Variants in FAT1 observed in about 807,000 individuals in gnomAD.
FAT1 encodes the protein FAT atypical cadherin 1.
FAT1 carries 171 observed loss-of-function variants against 329.8 expected under a neutral mutation model. The observed-to-expected ratio is 0.52, with a 90% confidence interval of 0.46 to 0.59. FAT1 has a LOEUF of 0.59. Among genes scored for constraint, FAT1 ranks in the 20% least tolerant of loss-of-function variants. The pLI, the probability that FAT1 is intolerant of heterozygous loss-of-function variation, is 0.00. For synonymous variants in FAT1, 2,233 were observed against 2,228.6 expected (o/e 1.00, Z -0.06); for missense variants, 5,672 against 5,774.4 (o/e 0.98, Z 0.57).
At position 186,618,773 on chromosome 4, in the gene FAT1, T is replaced by C; in HGVS notation, c.7813A>G (p.Ile2605Val). 1.9e-6 allele frequency: 3 copies of C among 1,614,038 alleles called. 1 individual carries two copies. The highest frequency in any genetic ancestry group is 2.2e-5 in the South Asian group (2 of 91,078). The change falls in exon 10 of 27, where the codon ATC (isoleucine) becomes GTC (valine). Residue 2605 changes from isoleucine (I) to valine (V), a missense_variant. Coordinates refer to ENST00000441802, the MANE Select transcript of FAT1 (RefSeq NM_005245.4). ...GTCCCTTTAGCAGCACTGGACCCGA[T>C]ATTCACTTCGTATTTGGTTGCTCGA... ...QFRATKYEVN[I>V]GSSAAKGTSV...
At position 186,620,719 on chromosome 4, in the gene FAT1, T is replaced by C. The variant is rs2126518407; in HGVS notation, c.5867A>G (p.Asp1956Gly). 6.2e-7 allele frequency: 1 copy of C among 1,613,930 alleles called. No individual in the cohort carries two copies. Among genetic ancestry groups the C allele is most frequent in the East Asian group, 2.2e-5 (1 of 44,890 alleles). Residue 1956 changes from aspartate to glycine, a missense_variant, in exon 10 of 27, where the codon GAT becomes GGT. By Grantham distance (94) the Asp-to-Gly change is moderately conservative (BLOSUM62 -1). Coordinates refer to ENST00000441802, the MANE Select transcript of FAT1 (RefSeq NM_005245.4). ...SRYELTVRAS[D>G]GRFAGLTSVK... ...AGAGGTAAGGCCGGCAAATCTGCCA[T>C]CGGAAGCTCTAACGGTTAGCTCGTA...
intron 2 of FAT1, among the ~76,000 whole-genome samples, chr4:186,702,112 G>A (rs1423432752): frequency 6.6e-6 from 1 of 152,020 alleles, no homozygotes; most frequent in Non-Finnish European, 1.5e-5. Context: ...GCCAGGAGCC[G>A]GCCTCCACAC....
intron 15 of FAT1, 54 bp downstream of exon 15, chr4:186,609,747 T>C (rs1236765307): frequency 1.6e-6 from 2 of 1,266,474 alleles, no homozygotes; most frequent in African/African-American, 2.9e-5. Flanking sequence ...TAAAAACTTT[T>C]GCAAAGATCC....
chr4:186,652,903 T>C (rs1741732652), intron 3 of FAT1, among the ~76,000 whole-genome samples: 3 of 152,234 alleles, frequency 2.0e-5, no homozygotes. Flanking sequence ...CTTTACTGCG[T>C]GCTTTAGGGA....
In FAT1 at chr4:186,588,810, C is replaced by G. The variant is rs764624079; in HGVS notation, c.13549G>C (p.Ala4517Pro). 3 of 1,614,010 alleles carry G rather than the reference C, an allele frequency of 1.9e-6. No homozygotes were observed. In the South Asian group the frequency reaches 3.3e-5, roughly 18 times the overall value. ...CTTTGATACCCTGGCGGGTAAGGGGCATGGGGTTCTCTACAAGTACTATTC... is the reference window on the plus strand; with the variant it reads ...CTTTGATACCCTGGCGGGTAAGGGGGATGGGGTTCTCTACAAGTACTATTC... Reference protein sequence around the residue: ...GENSTCREPHAPYPPGYQRHF... With the variant: ...GENSTCREPHPPYPPGYQRHF... The change falls in exon 27 of 27, where the codon GCC (alanine) becomes CCC (proline). Residue 4517 changes from alanine to proline, a missense_variant. By Grantham distance (27) the Ala-to-Pro change is conservative. Coordinates refer to ENST00000441802, the MANE Select transcript of FAT1 (RefSeq NM_005245.4).
intron 2 of FAT1, among the ~76,000 whole-genome samples, chr4:186,702,973 G>T (rs761483399): frequency 6.6e-6 from 1 of 152,156 alleles, no homozygotes; most frequent in Non-Finnish European, 1.5e-5. Flanking sequence ...ATAGCAATCT[G>T]AGGAGGAGAA....
At chr4:186,641,869 T>G (rs982134741) in intron 3 of FAT1, among the ~76,000 whole-genome samples, 1 of 151,986 alleles carries the variant, frequency 6.6e-6, no homozygotes, top group Non-Finnish European at 1.5e-5. Flanking sequence ...TTAGCTGACA[T>G]GGTGGCACAC....
rs527805169 is a variant in FAT1, at chr4:186,722,844, G to A, written c.-19+820C>T. ...ACTTTTAAAAAATCGCCTCTATCAGGCACCCGGGAATTGCTTAACAAAAGC... is the reference window on the plus strand; with the variant it reads ...ACTTTTAAAAAATCGCCTCTATCAGACACCCGGGAATTGCTTAACAAAAGC... On this transcript the variant is annotated intron_variant, in intron 1 of 26. Coordinates refer to ENST00000441802, the MANE Select transcript of FAT1 (RefSeq NM_005245.4). 2.5e-3 allele frequency among the ~76,000 whole-genome samples: 379 copies of A among 151,804 alleles called. 1 individual carries two copies. Among genetic ancestry groups the A allele is most frequent in the Admixed American group, 5.2e-3 (80 of 15,268 alleles).
In FAT1 at chr4:186,707,626, G is replaced by C. The variant is rs986082341; in HGVS notation, c.2202C>G (p.Ser734=). 6.2e-7 allele frequency: 1 copy of C among 1,613,978 alleles called. No individual in the cohort carries two copies. Among genetic ancestry groups the C allele is most frequent in the Non-Finnish European group, 8.5e-7 (1 of 1,179,882 alleles). ...IQVKENQPVG[S]SVIFMNSTDL... is the part of the protein sequence containing the mutation. ...CAGTGGAGTTCATGAAAATTACACT[G>C]GAACCCACAGGCTGGTTTTCCTTTA... is the stretch of plus-strand genomic sequence containing the variant. Residue 734 remains serine, a synonymous_variant, in exon 2 of 27, where the codon TCC becomes TCG. Coordinates refer to ENST00000441802, the MANE Select transcript of FAT1 (RefSeq NM_005245.4).
In FAT1 at chr4:186,708,194, A is replaced by G. The variant is rs2126694565; in HGVS notation, c.1634T>C (p.Leu545Ser). 2 of 1,614,022 alleles carry G rather than the reference A, an allele frequency of 1.2e-6. No homozygotes were observed. The part of the protein sequence containing the change: ...TLRIRASDWG[L>S]PYRREVEVLA... ...GACTTCGACTTCCCGGCGGTACGGC[A>G]AGCCCCAGTCTGATGCACGAATCCT... is the stretch of plus-strand genomic sequence containing the variant. The change falls in exon 2 of 27, where the codon TTG becomes TCG. Residue 545 changes from leucine (L) to serine (S), a missense_variant. Around this residue, in one of 2 missense-constraint regions of FAT1, gnomAD observed 3,966 missense variants for 3,915.2 expected, o/e 1.01. Transcript: ENST00000441802.
rs199859608 is a variant in FAT1, at chr4:186,600,150, A to C, written c.11851T>G (p.Phe3951Val). Residue 3951 changes from phenylalanine to valine, a missense_variant, in exon 22 of 27, where the codon TTT (phenylalanine) becomes GTT (valine). This residue lies in a region of FAT1 where 1,706 missense variants were observed against 1,859.1 expected (regional missense o/e 0.92). Transcript: ENST00000441802. ...TGCTGACGGATGTGGCCACCAAAAA[A>C]CACATAGTTATCCAGGTTCAGGGTT... ...LKTLNLDNYV[F>V]FGGHIRQQGT... 3.7e-6 allele frequency: 6 copies of C among 1,614,022 alleles called. No individual in the cohort carries two copies. The highest frequency in any genetic ancestry group is 1.7e-5 in the Admixed American group (1 of 60,022).
chr4:186,593,070 C>T (rs767278682), intron 26 of FAT1, among the ~76,000 whole-genome samples: 2 of 152,164 alleles, frequency 1.3e-5, no homozygotes, highest in Non-Finnish European at 2.9e-5. Context: ...CAAAACGATT[C>T]TTATTTTAAC....
At position 186,620,191 on chromosome 4, in the gene FAT1, A is replaced by C. The variant is rs777522285; in HGVS notation, c.6395T>G (p.Leu2132Trp). Residue 2132 changes from leucine to tryptophan, a missense_variant, in exon 10 of 27, where the codon TTG becomes TGG. By Grantham distance (61) the Leu-to-Trp change is moderately conservative. Coordinates refer to ENST00000441802, the MANE Select transcript of FAT1 (RefSeq NM_005245.4). ...EHHEHFQIGP[L>W]GEISLKKQFE... ...TTGCTTTTTCAGTGAAATTTCACCC[A>C]AGGGTCCAATTTGAAAGTGTTCATG... 6.2e-7 allele frequency: 1 copy of C among 1,614,030 alleles called. No individual in the cohort carries two copies. Among genetic ancestry groups the C allele is most frequent in the Admixed American group, 1.7e-5 (1 of 60,028 alleles).
chr4:186,599,859 C>T (rs556780349), intron 22 of FAT1, 39 bp downstream of exon 22: 42 of 1,471,914 alleles, frequency 2.9e-5, no homozygotes, highest in South Asian at 2.1e-4. Flanking sequence ...AATGTACACA[C>T]GTGCAGCATT....
In FAT1 at chr4:186,600,180, G is replaced by T. The variant is rs2126413114; in HGVS notation, c.11821C>A (p.Leu3941Met). 1 of 1,614,078 alleles carries T rather than the reference G, an allele frequency of 6.2e-7. No individual in the cohort carries two copies. Residue 3941 changes from leucine to methionine, a missense_variant, in exon 22 of 27, where the codon CTG becomes ATG. Around this residue, in one of 2 missense-constraint regions of FAT1, gnomAD observed 1,706 missense variants for 1,859.1 expected, o/e 0.92. Coordinates refer to ENST00000441802, the MANE Select transcript of FAT1 (RefSeq NM_005245.4). The part of the protein sequence containing the change: ...HTASGTAPGT[L>M]KTLNLDNYVF... The stretch of plus-strand genomic sequence containing the variant: ...TAGTTATCCAGGTTCAGGGTTTTCA[G>T]AGTCCCTGGGGCTGTGCCCGATGCA...
rs374959381 is a variant in FAT1 at position 186,708,140 on chromosome 4, T to C, written c.1688A>G (p.Asn563Ser). 54 of 1,613,888 alleles carry C rather than the reference T, an allele frequency of 3.3e-5. No homozygotes were observed. Among genetic ancestry groups the C allele is most frequent in the Non-Finnish European group, 4.2e-5 (49 of 1,179,906 alleles). Residue 563 changes from asparagine (N) to serine (S), a missense_variant, in exon 2 of 27, where the codon AAT becomes AGT. Physicochemically the swap from Asn to Ser is conservative, Grantham distance 46. Coordinates refer to ENST00000441802, the MANE Select transcript of FAT1 (RefSeq NM_005245.4). ...TTTCTCAAACAAAGGTGTGTTGTCA[T>C]TCAAGTTATTGAGAGTAATTGTAGC... Reference protein sequence around the residue: ...VLATITLNNLNDNTPLFEKIN... With the variant: ...VLATITLNNLSDNTPLFEKIN...
intron 2 of FAT1, 40 bp downstream of exon 2, chr4:186,706,521 ATG>A: frequency 6.6e-7 from 1 of 1,518,784 alleles, no homozygotes. Context: ...AAAAAAAAAA[ATG>A]GAAAAGGGCA....
At chr4:186,671,730 G>A (rs887807860) in intron 2 of FAT1, among the ~76,000 whole-genome samples, 7 of 151,890 alleles carry the variant, frequency 4.6e-5, no homozygotes, top group Admixed American at 2.0e-4. Context: ...TAAAAATAAC[G>A]ATACTAGTTT....
intron 3 of FAT1, among the ~76,000 whole-genome samples, chr4:186,660,147 C>T (rs370577648): frequency 9.2e-5 from 14 of 152,106 alleles, no homozygotes; most frequent in African/African-American, 2.2e-4. Flanking sequence ...CTCCAGGTGG[C>T]GAGATGGGTC....
Sources: allele counts gnomAD v4.1 joint callset (sites outside exome capture counted in the v4.1 genomes callset), GRCh38; gene constraint gnomAD v4.1.1; regional missense constraint gnomAD v4.1.1; transcripts MANE v1.5; gene names NCBI Gene and HGNC (gene_info 2026-07-23, HGNC 2026-07-21).